The following SLC9A7 variants were observed in gnomAD, a reference collection of about 807,000 sequenced individuals.
SLC9A7 encodes sodium/hydrogen exchanger 7.
In SLC9A7, 19 loss-of-function variants were observed where a neutral mutation model predicts 52.6. That is an observed-to-expected ratio of 0.36 (90% confidence interval 0.25 to 0.53). The LOEUF is 0.53. Among genes scored for constraint, SLC9A7 ranks in the 20% least tolerant of loss-of-function variants. The pLI is 0.91. For missense variants in SLC9A7, 455 were observed against 597.9 expected (o/e 0.76, Z 2.49); for synonymous variants, 226 against 252.1 (o/e 0.90, Z 0.98).
At chrX:46,747,865 AT>A (rs1336458419) in intron 1 of SLC9A7, among the ~76,000 whole-genome samples, 23 of 111,060 alleles carry the variant, frequency 2.1e-4, no homozygotes, top group Admixed American at 8.7e-4. Flanking sequence ...GGTGGCTATC[AT>A]TTTTTTTTAA....
chrX:46,623,200 G>A (rs951094522), intron 14 of SLC9A7, among the ~76,000 whole-genome samples: 12 of 111,750 alleles, frequency 1.1e-4, no homozygotes, highest in Non-Finnish European at 2.3e-4. Context: ...AGAAGCCATT[G>A]AGAGCCCTTC....
intron 1 of SLC9A7, among the ~76,000 whole-genome samples, chrX:46,717,415 T>C (rs1569522846): frequency 8.9e-6 from 1 of 112,238 alleles, no homozygotes; most frequent in Admixed American, 9.4e-5. Flanking sequence ...CAGTCTGCTC[T>C]GTGGCCCAGG....
intron 1 of SLC9A7, among the ~76,000 whole-genome samples, chrX:46,723,694 C>T (rs1944899310): frequency 1.8e-5 from 2 of 112,146 alleles, no homozygotes; most frequent in South Asian, 7.4e-4. Context: ...GTGCTATATT[C>T]ACCCACACAC....
At chrX:46,658,722 C>T (rs1943752921) in intron 7 of SLC9A7, among the ~76,000 whole-genome samples, 1 of 111,334 alleles carries the variant, frequency 9.0e-6, no homozygotes, top group South Asian at 3.8e-4. Flanking sequence ...GAAATTGTGG[C>T]AATAATCAAT....
chrX:46,609,888 C>T (rs973067343), intron 16 of SLC9A7, among the ~76,000 whole-genome samples: 8 of 108,126 alleles, frequency 7.4e-5, no homozygotes, highest in Non-Finnish European at 1.5e-4. Flanking sequence ...ATTAGCCAGG[C>T]ATAGTGGCAC....
chrX:46,743,101 G>A (rs1229222140), intron 1 of SLC9A7, among the ~76,000 whole-genome samples: 1 of 111,353 alleles, frequency 9.0e-6, no homozygotes, highest in Non-Finnish European at 1.9e-5. Context: ...AAAAATAAGA[G>A]TGTGGATGAA....
intron 13 of SLC9A7, 57 bp from the exon 14 acceptor site, chrX:46,631,706 A>G: frequency 1.0e-6 from 1 of 961,865 alleles, no homozygotes; most frequent in Non-Finnish European, 1.5e-6. Flanking sequence ...AGCTTGGCCC[A>G]TGGTAGCCAT....
At chrX:46,613,566 C>T (rs761927118) in intron 15 of SLC9A7, among the ~76,000 whole-genome samples, 172 bp from the exon 16 acceptor site, 1 of 112,407 alleles carries the variant, frequency 8.9e-6, no homozygotes, top group Non-Finnish European at 1.9e-5. Context: ...GAGTAAGATA[C>T]GCCCTATCAG....
chrX:46,701,621 AT>A (rs1221741871), intron 1 of SLC9A7, among the ~76,000 whole-genome samples: 4 of 110,774 alleles, frequency 3.6e-5, no homozygotes, highest in African/African-American at 1.3e-4. Flanking sequence ...AGAAACCCTT[AT>A]TATGAAATAT....
At chrX:46,706,344 A>T (rs778717415) in intron 1 of SLC9A7, among the ~76,000 whole-genome samples, 3 of 106,918 alleles carry the variant, frequency 2.8e-5, no homozygotes, top group Non-Finnish European at 5.8e-5. Context: ...GGTAGCTGGA[A>T]GGTATAGATG....
chrX:46,730,703 T>TATATATATATATATATATATAG (rs1945023905), intron 1 of SLC9A7, among the ~76,000 whole-genome samples: 1 of 63,441 alleles, frequency 1.6e-5, no homozygotes, highest in Non-Finnish European at 2.9e-5. Flanking sequence ...TATATATATA[T>TATATATATATATATATATATAG]ATATATAAAA....
chrX:46,718,509 C>A (rs1253825470), intron 1 of SLC9A7, among the ~76,000 whole-genome samples: 1 of 112,015 alleles, frequency 8.9e-6, no homozygotes, highest in South Asian at 3.7e-4. Flanking sequence ...AGTGAACAGG[C>A]AACCTACAGA....
intron 1 of SLC9A7, among the ~76,000 whole-genome samples, chrX:46,701,037 A>G (rs1246525583): frequency 8.9e-6 from 1 of 111,836 alleles, no homozygotes; most frequent in African/African-American, 3.3e-5. Flanking sequence ...GGCACTAACC[A>G]AGAAACTACT....
intron 5 of SLC9A7, among the ~76,000 whole-genome samples, chrX:46,668,534 C>T (rs774759690): frequency 5.8e-4 from 64 of 110,872 alleles, no homozygotes; most frequent in African/African-American, 2.1e-3. Flanking sequence ...AAAAAAAAAA[C>T]ATGCTATACA....
intron 1 of SLC9A7, among the ~76,000 whole-genome samples, chrX:46,696,131 G>A (rs1321681850): frequency 9.1e-6 from 1 of 109,914 alleles, no homozygotes; most frequent in South Asian, 3.9e-4. Context: ...GATTACAGGC[G>A]CCCGCCACCA....
At chrX:46,733,328 A>T (rs1427044734) in intron 1 of SLC9A7, among the ~76,000 whole-genome samples, 1 of 112,140 alleles carries the variant, frequency 8.9e-6, no homozygotes, top group Non-Finnish European at 1.9e-5. Flanking sequence ...ATAGCAAAGA[A>T]TTTGTTGCTA....
At chrX:46,671,162 T>C (rs1318882290) in intron 4 of SLC9A7, among the ~76,000 whole-genome samples, 1 of 112,345 alleles carries the variant, frequency 8.9e-6, no homozygotes, top group African/African-American at 3.2e-5. Flanking sequence ...TTTAACCTAA[T>C]GTCCTTTTTC....
Position 46,600,565 on chromosome X carries a change from G to C in SLC9A7, c.*6387C>G, listed in dbSNP as rs1370180318. The C allele has an allele frequency of 8.9e-6, 1 of 111,978 alleles. No homozygotes were observed. Among genetic ancestry groups the C allele is most frequent in the African/African-American group, 3.2e-5 (1 of 30,827 alleles). 9.2% of individuals were successfully genotyped at this position (111,978 alleles called of 1,213,427 possible). A position where few individuals can be genotyped will look rare whatever the true frequency, so the allele number is the denominator to read the frequency against. On this transcript the variant is annotated 3_prime_UTR_variant, in exon 17 of 17. Coordinates refer to ENST00000616978, the MANE Select transcript of SLC9A7 (RefSeq NM_001257291.2). ...ATGGGCCACGACTATAGTATACCCTGCTTACAAAAATAAGACTAACATCAA... is the reference window on the plus strand; with the variant it reads ...ATGGGCCACGACTATAGTATACCCTCCTTACAAAAATAAGACTAACATCAA...
intron 1 of SLC9A7, among the ~76,000 whole-genome samples, chrX:46,720,929 A>T (rs902691235): frequency 2.7e-5 from 3 of 111,949 alleles, no homozygotes; most frequent in African/African-American, 9.8e-5. Flanking sequence ...CAAAAAAGTG[A>T]TAAAGCATCA....
Sources: allele counts gnomAD v4.1 joint callset (sites outside exome capture counted in the v4.1 genomes callset), GRCh38; gene constraint gnomAD v4.1.1; transcripts MANE v1.5; gene names NCBI Gene and HGNC (gene_info 2026-07-23, HGNC 2026-07-21).